The following DLGAP2 variants were observed in gnomAD, a reference collection of about 807,000 sequenced individuals.
DLGAP2 encodes DLG associated protein 2.
In DLGAP2, 26 loss-of-function variants were observed where a neutral mutation model predicts 100.3. That is an observed-to-expected ratio of 0.26 (90% confidence interval 0.19 to 0.36). DLGAP2 has a LOEUF of 0.36. Ranked by LOEUF, DLGAP2 falls within the 10% of genes least tolerant of loss-of-function variation. The probability of loss-of-function intolerance (pLI) is 1.00; values close to 1 mark genes in which losing one functional copy is unlikely to be tolerated. For synonymous variants in DLGAP2, 886 were observed against 630.1 expected (o/e 1.41, Z -6.08); for missense variants, 1,858 against 1,453.2 (o/e 1.28, Z -4.53).
chr8:879,427 G>C (rs1027065901), intron 1 of DLGAP2, among the ~76,000 whole-genome samples: 2 of 152,182 alleles, frequency 1.3e-5, no homozygotes, highest in Non-Finnish European at 2.9e-5. Flanking sequence ...TCCCATGCAG[G>C]TGTCACTTTC....
At chr8:1,637,817 C>T (rs769280640) in intron 8 of DLGAP2, among the ~76,000 whole-genome samples, 212 of 152,162 alleles carry the variant, frequency 1.4e-3, no homozygotes, top group Non-Finnish European at 2.4e-3. Flanking sequence ...AGCCATGGCA[C>T]ACCTGCTGGG....
chr8:1,295,849 C>T (rs1485250977), intron 3 of DLGAP2, among the ~76,000 whole-genome samples: 2 of 152,306 alleles, frequency 1.3e-5, no homozygotes, highest in East Asian at 1.9e-4. Flanking sequence ...CATTTACACA[C>T]CTTCTCATGG....
chr8:1,275,483 C>A (rs749729889), intron 3 of DLGAP2, among the ~76,000 whole-genome samples: 1 of 151,794 alleles, frequency 6.6e-6, no homozygotes, highest in Non-Finnish European at 1.5e-5. Flanking sequence ...CTTCATTCTC[C>A]AGTCAGACAT....
At chr8:858,154 G>A (rs1237735532) in intron 1 of DLGAP2, among the ~76,000 whole-genome samples, 1 of 152,246 alleles carries the variant, frequency 6.6e-6, no homozygotes, top group East Asian at 1.9e-4. Context: ...ACCGCGCCCA[G>A]TGCACATGAA....
At chr8:1,464,235 C>CAGCTCCCTTCCAA (rs1563164743) in intron 3 of DLGAP2, among the ~76,000 whole-genome samples, 1 of 128,690 alleles carries the variant, frequency 7.8e-6, no homozygotes. Context: ...CCTTCCAGGA[C>CAGCTCCCTTCCAA]GACACCCTTC....
chr8:1,039,095 A>ATT, intron 2 of DLGAP2, among the ~76,000 whole-genome samples: 1 of 152,300 alleles, frequency 6.6e-6, no homozygotes, highest in East Asian at 1.9e-4. Flanking sequence ...ACCTCATTGG[A>ATT]GCAAACTCAC....
At chr8:1,599,054 C>G (rs910301991) in intron 6 of DLGAP2, among the ~76,000 whole-genome samples, 1 of 152,150 alleles carries the variant, frequency 6.6e-6, no homozygotes, top group South Asian at 2.1e-4. Flanking sequence ...CCCAGAGATT[C>G]TGGTATGTTG....
chr8:1,549,375 A>G lies in DLGAP2; in HGVS notation c.922A>G (p.Thr308Ala). ...GGACGACAACCTGGACAGCGACAGC[A>G]CCTATCGGACGCCCAGCGTGCTCAA... ...SSDDNLDSDS[T>A]YRTPSVLNRH... Residue 308 changes from threonine to alanine, a missense_variant, in exon 5 of 15, where the codon ACC becomes GCC. Coordinates refer to ENST00000637795, the MANE Select transcript of DLGAP2 (RefSeq NM_001346810.2). The G allele has an allele frequency of 6.2e-7, 1 of 1,613,422 alleles. No homozygotes were observed. Among genetic ancestry groups the G allele is most frequent in the Non-Finnish European group, 8.5e-7 (1 of 1,179,792 alleles).
At chr8:1,417,268 C>G (rs13248625) in intron 3 of DLGAP2, among the ~76,000 whole-genome samples, 1 of 151,346 alleles carries the variant, frequency 6.6e-6, no homozygotes, top group Admixed American at 6.6e-5. Context: ...CATTTAGCGT[C>G]TGAGGCGGGA....
At chr8:1,410,353 G>A (rs543724678) in intron 3 of DLGAP2, among the ~76,000 whole-genome samples, 6 of 152,160 alleles carry the variant, frequency 3.9e-5, no homozygotes, top group African/African-American at 7.2e-5. Flanking sequence ...GCAGCCTCAC[G>A]GTGAGGAGCT....
At chr8:1,182,058 C>T (rs904200870) in intron 2 of DLGAP2, among the ~76,000 whole-genome samples, 2 of 152,242 alleles carry the variant, frequency 1.3e-5, no homozygotes, top group Non-Finnish European at 2.9e-5. Flanking sequence ...TGCGTAAGAG[C>T]CATGTGCCTG....
chr8:1,697,247 T>C lies in DLGAP2; in HGVS notation c.2897T>C (p.Leu966Pro). Residue 966 changes from leucine (L) to proline (P), a missense_variant, in exon 14 of 15, where the codon CTG becomes CCG. By Grantham distance (98) the Leu-to-Pro change is moderately conservative. Transcript: ENST00000637795. Reference protein sequence around the residue: ...IEDVSMKFDELQRLRLNDWKM... With the variant: ...IEDVSMKFDEPQRLRLNDWKM... ...GACGTCAGCATGAAGTTCGACGAGC[T>C]GCAGCGGCTGCGGCTCAACGACTGG... is the stretch of plus-strand genomic sequence containing the variant. 6.2e-7 allele frequency: 1 copy of C among 1,611,076 alleles called. No individual in the cohort carries two copies. The highest frequency in any genetic ancestry group is 1.3e-5 in the African/African-American group (1 of 75,006).
At chr8:1,210,209 C>G (rs376689445) in intron 2 of DLGAP2, among the ~76,000 whole-genome samples, 1 of 152,070 alleles carries the variant, frequency 6.6e-6, no homozygotes, top group South Asian at 2.1e-4. Context: ...TGACAAGGGT[C>G]CCATCCGTCC....
chr8:1,437,654 A>C (rs1363509596), intron 3 of DLGAP2, among the ~76,000 whole-genome samples: 1 of 151,950 alleles, frequency 6.6e-6, no homozygotes, highest in Non-Finnish European at 1.5e-5. Context: ...TTTTTCTGTA[A>C]ATATGCATCA....
chr8:1,468,228 CTCGGTCGGT>C (rs1798679215), intron 3 of DLGAP2, among the ~76,000 whole-genome samples: 1 of 152,162 alleles, frequency 6.6e-6, no homozygotes, highest in Non-Finnish European at 1.5e-5. Flanking sequence ...CCTCTGCAGC[CTCGGTCGGT>C]TCTGAGAATT....
chr8:885,253 C>T (rs1418131731), intron 1 of DLGAP2, among the ~76,000 whole-genome samples: 6 of 152,188 alleles, frequency 3.9e-5, no homozygotes, highest in Non-Finnish European at 8.8e-5. Context: ...TCTTCCTATC[C>T]ATGAGGATGG....
At chr8:1,537,057 A>T (rs1164594145) in intron 4 of DLGAP2, among the ~76,000 whole-genome samples, 2 of 146,286 alleles carry the variant, frequency 1.4e-5, no homozygotes, top group African/African-American at 5.2e-5. Context: ...CCAAGGCAGC[A>T]CCACTGGTAT....
At chr8:909,037 A>C (rs1443569769) in intron 2 of DLGAP2, among the ~76,000 whole-genome samples, 1 of 152,202 alleles carries the variant, frequency 6.6e-6, no homozygotes, top group African/African-American at 2.4e-5. Context: ...ATTGAGAAAA[A>C]TACAATCTTT....
Position 1,665,426 on chromosome 8 carries a change from G to T in DLGAP2, c.1811-2903G>T, listed in dbSNP as rs140885995. On this transcript the variant is annotated intron_variant, in intron 8 of 14. Transcript: ENST00000637795. ...TGACATGTTGTGACATGGTTATGAC[G>T]CTTGATATGTGCCATCGTTCACTGC... Among the ~76,000 whole-genome samples the T allele has an allele frequency of 2.7e-3, 407 of 152,296 alleles. 7 individuals are homozygous for T. The highest frequency in any genetic ancestry group is 9.2e-3 in the African/African-American group (384 of 41,552).
Sources: allele counts gnomAD v4.1 joint callset (sites outside exome capture counted in the v4.1 genomes callset), GRCh38; gene constraint gnomAD v4.1.1; transcripts MANE v1.5; gene names NCBI Gene and HGNC (gene_info 2026-07-23, HGNC 2026-07-21).